PLCB1: variants seen among roughly 807,000 people sequenced by gnomAD.
PLCB1 encodes the protein 1-phosphatidylinositol 4,5-bisphosphate phosphodiesterase beta-1.
A neutral mutation model predicts 161.8 loss-of-function variants in PLCB1; 46 were observed. The ratio of observed to expected loss-of-function variants is 0.28; its 90% CI spans 0.22 to 0.36. The LOEUF is 0.36. Among genes scored for constraint, PLCB1 ranks in the 10% least tolerant of loss-of-function variants. The pLI, the probability that PLCB1 is intolerant of heterozygous loss-of-function variation, is 1.00. For missense variants in PLCB1, 1,016 were observed against 1,472.5 expected (o/e 0.69, Z 5.07); for synonymous variants, 517 against 503.7 (o/e 1.03, Z -0.35).
At chr20:8,593,923 T>C (rs1987238948) in intron 3 of PLCB1, among the ~76,000 whole-genome samples, 2 of 152,042 alleles carry the variant, frequency 1.3e-5, no homozygotes, top group African/African-American at 2.4e-5. Context: ...CTTGCTCTGT[T>C]ACCCAGGCTA....
intron 25 of PLCB1, among the ~76,000 whole-genome samples, chr20:8,761,980 G>C (rs1248336565): frequency 6.6e-6 from 1 of 151,690 alleles, no homozygotes; most frequent in Admixed American, 6.6e-5. Context: ...AGGCCAAGGG[G>C]GGGGCGGATC....
chr20:8,193,395 A>G, intron 2 of PLCB1, among the ~76,000 whole-genome samples: 1 of 151,998 alleles, frequency 6.6e-6, no homozygotes, highest in East Asian at 1.9e-4. Context: ...ATGCAGCTGT[A>G]AAAGAAAAAA....
chr20:8,674,735 A>G (rs1413327382), intron 9 of PLCB1, among the ~76,000 whole-genome samples: 2 of 152,172 alleles, frequency 1.3e-5, no homozygotes, highest in African/African-American at 4.8e-5. Context: ...CTTGAGGACA[A>G]GGAAGCCTCG....
chr20:8,722,591 C>T (rs185658941), intron 15 of PLCB1, among the ~76,000 whole-genome samples, 170 bp downstream of exon 15: 5 of 152,090 alleles, frequency 3.3e-5, no homozygotes, highest in African/African-American at 7.2e-5. Flanking sequence ...TTCCACAATC[C>T]GGAGAAGATA....
intron 2 of PLCB1, among the ~76,000 whole-genome samples, chr20:8,217,664 A>G (rs1045618431): frequency 4.6e-5 from 7 of 152,152 alleles, no homozygotes; most frequent in Non-Finnish European, 7.4e-5. Context: ...GAATGGTGCT[A>G]TGGTTTCAGT....
intron 9 of PLCB1, among the ~76,000 whole-genome samples, chr20:8,673,992 C>T (rs1990013415): frequency 6.6e-6 from 1 of 152,040 alleles, no homozygotes; most frequent in African/African-American, 2.4e-5. Flanking sequence ...GGAATTATCC[C>T]CCGGAAGCAG....
chr20:8,861,841 A>G (rs1987268434), intron 31 of PLCB1, among the ~76,000 whole-genome samples: 3 of 152,252 alleles, frequency 2.0e-5, no homozygotes, highest in East Asian at 1.9e-4. Context: ...AAACAATTTA[A>G]TTAACTTGAT....
At chr20:8,833,453 A>G (rs1986111248) in intron 31 of PLCB1, among the ~76,000 whole-genome samples, 1 of 152,234 alleles carries the variant, frequency 6.6e-6, no homozygotes, top group Non-Finnish European at 1.5e-5. Flanking sequence ...TATGGGATCT[A>G]CAATTCAAAA....
intron 12 of PLCB1, among the ~76,000 whole-genome samples, chr20:8,714,032 TC>T (rs761334831): frequency 5.9e-5 from 9 of 152,126 alleles, no homozygotes; most frequent in Non-Finnish European, 1.3e-4. Context: ...AGGTGTTTGA[TC>T]AAAGATAATT....
intron 10 of PLCB1, among the ~76,000 whole-genome samples, chr20:8,689,145 G>T (rs1990419485): frequency 6.6e-6 from 1 of 151,034 alleles, no homozygotes; most frequent in African/African-American, 2.4e-5. Flanking sequence ...TTATCTGCTT[G>T]GTCACTGTTG....
rs140800584 is a variant in PLCB1, at chr20:8,861,859, G to A, written c.3424-19763G>A. ...CAATTTAATTAACTTGATTTACTGG[G>A]AAACATTGATTTATTGGAAAAACAA... On this transcript the variant is annotated intron_variant, in intron 31 of 31. Coordinates refer to ENST00000338037, the MANE Select transcript of PLCB1 (RefSeq NM_015192.4). Among the ~76,000 whole-genome samples the A allele has an allele frequency of 3.4e-4, 51 of 152,078 alleles. No homozygotes were observed. In the East Asian group the frequency reaches 9.3e-3, roughly 28 times the overall value.
chr20:8,275,932 A>G (rs62195867), intron 2 of PLCB1, among the ~76,000 whole-genome samples: 1 of 149,760 alleles, frequency 6.7e-6, no homozygotes, highest in Non-Finnish European at 1.5e-5. Context: ...TTTCATCACC[A>G]CTTACAAGCC....
chr20:8,862,359 A>G (rs1568628790), intron 31 of PLCB1, among the ~76,000 whole-genome samples: 1 of 152,200 alleles, frequency 6.6e-6, no homozygotes, highest in Non-Finnish European at 1.5e-5. Context: ...GTGTATCATC[A>G]CTATGCTGGG....
At chr20:8,868,192 T>C (rs1417418484) in intron 31 of PLCB1, among the ~76,000 whole-genome samples, 2 of 152,196 alleles carry the variant, frequency 1.3e-5, no homozygotes, top group Non-Finnish European at 2.9e-5. Flanking sequence ...AACTAGCTGA[T>C]CAAATAAACA....
intron 31 of PLCB1, among the ~76,000 whole-genome samples, chr20:8,862,114 A>G (rs1987277124): frequency 1.3e-5 from 2 of 152,354 alleles, no homozygotes; most frequent in South Asian, 4.1e-4. Flanking sequence ...TACTGAATAC[A>G]GCACAGTAAT....
intron 3 of PLCB1, among the ~76,000 whole-genome samples, chr20:8,405,749 C>T (rs1978757581): frequency 1.3e-5 from 2 of 152,120 alleles, no homozygotes; most frequent in Non-Finnish European, 2.9e-5. Context: ...AGCTATTAAA[C>T]TACATAAACT....
intron 3 of PLCB1, among the ~76,000 whole-genome samples, chr20:8,495,268 T>C (rs1412598791): frequency 2.0e-5 from 3 of 152,118 alleles, no homozygotes; most frequent in African/African-American, 7.2e-5. Context: ...AAGTCTTAGA[T>C]TAAGGCAAGA....
intron 3 of PLCB1, among the ~76,000 whole-genome samples, chr20:8,566,808 CT>C (rs57718112): frequency 0.31 from 40,052 of 130,712 alleles, 5,919 homozygotes; most frequent in Non-Finnish European, 0.38. Context: ...TAAATCACTT[CT>C]TTTTTTTTTT....
intron 3 of PLCB1, among the ~76,000 whole-genome samples, chr20:8,547,475 A>C (rs545950276): frequency 6.6e-6 from 1 of 152,238 alleles, no homozygotes; most frequent in South Asian, 2.1e-4. Context: ...TAACGTCACC[A>C]CCACCCACCC....
Sources: allele counts gnomAD v4.1 joint callset (sites outside exome capture counted in the v4.1 genomes callset), GRCh38; gene constraint gnomAD v4.1.1; transcripts MANE v1.5; gene names NCBI Gene and HGNC (gene_info 2026-07-23, HGNC 2026-07-21).